Variants in PAPPA2 observed in about 807,000 individuals in gnomAD.
The protein encoded by PAPPA2 is pappalysin-2.
Under a neutral mutation model 176.4 loss-of-function variants are expected in PAPPA2, and 86 were observed. The observed-to-expected ratio is 0.49, with a 90% CI of 0.41 to 0.58. The LOEUF (loss-of-function observed/expected upper bound fraction) is 0.58. Among genes scored for constraint, PAPPA2 ranks in the 20% least tolerant of loss-of-function variants. PAPPA2 has a pLI of 0.00. For missense variants in PAPPA2, 2,073 were observed against 2,256.9 expected, an observed-to-expected ratio of 0.92 and a Z score of 1.65; for synonymous variants, 809 against 852.2, an observed-to-expected ratio of 0.95 and a Z score of 0.88.
intron 3 of PAPPA2, among the ~76,000 whole-genome samples, chr1:176,638,839 C>T (rs907489305): frequency 2.6e-5 from 4 of 151,796 alleles, no homozygotes; most frequent in Admixed American, 6.6e-5. Flanking sequence ...AATGTCTGCT[C>T]GGGAGCAGAG....
At chr1:176,558,970 C>G (rs1008525613) in intron 2 of PAPPA2, among the ~76,000 whole-genome samples, 7 of 152,160 alleles carry the variant, frequency 4.6e-5, no homozygotes, top group Admixed American at 4.6e-4. Flanking sequence ...AAACTTGACC[C>G]CTGTCCTGTC....
intron 1 of PAPPA2, among the ~76,000 whole-genome samples, chr1:176,512,976 G>A (rs1367119299): frequency 2.0e-5 from 3 of 152,056 alleles, no homozygotes; most frequent in Admixed American, 1.3e-4. Context: ...CAAAAGTTAG[G>A]GATAGCCTGA....
intron 1 of PAPPA2, among the ~76,000 whole-genome samples, chr1:176,474,482 G>A (rs763540398): frequency 5.9e-5 from 9 of 152,176 alleles, no homozygotes; most frequent in African/African-American, 9.7e-5. Flanking sequence ...TGGTGATTCC[G>A]TGGTCTCTGC....
chr1:176,840,073 C>T (rs536552874), intron 21 of PAPPA2, 100 bp from the exon 22 acceptor site: 4 of 956,504 alleles, frequency 4.2e-6, no homozygotes, highest in South Asian at 3.0e-5. Flanking sequence ...TCTGTAATAT[C>T]TCTGGAGCTG....
At position 176,789,911 on chromosome 1, in the gene PAPPA2, T is replaced by TG. The variant is rs746495691; in HGVS notation, c.4819dup (p.Glu1607GlyfsTer17). On this transcript the variant is annotated frameshift_variant, in exon 18 of 23. Transcript: ENST00000367662. LOFTEE classifies it high-confidence loss of function. Reference sequence around the variant, plus strand: ...CCCCTCCTGTGTTTGAAGGCATGTATGAATGTACCAATGGCTTCAGCCTGG... The same window carrying TG: ...CCCCTCCTGTGTTTGAAGGCATGTATGGAATGTACCAATGGCTTCAGCCTGG... 1.2e-6 allele frequency: 2 copies of TG among 1,614,202 alleles called. No individual in the cohort carries two copies. Among genetic ancestry groups the TG allele is most frequent in the Non-Finnish European group, 8.5e-7 (1 of 1,180,016 alleles).
intron 3 of PAPPA2, among the ~76,000 whole-genome samples, chr1:176,662,061 A>G (rs555221580): frequency 1.3e-5 from 2 of 152,090 alleles, no homozygotes; most frequent in Non-Finnish European, 2.9e-5. Flanking sequence ...GTATCTTTTC[A>G]TTGCCAGGGT....
intron 21 of PAPPA2, among the ~76,000 whole-genome samples, chr1:176,812,181 T>C (rs1215203877): frequency 6.6e-6 from 1 of 150,936 alleles, no homozygotes; most frequent in Non-Finnish European, 1.5e-5. Context: ...CACTCCACCC[T>C]TTTTCTGATT....
chr1:176,837,310 G>A (rs1273256826), intron 21 of PAPPA2, among the ~76,000 whole-genome samples: 1 of 151,976 alleles, frequency 6.6e-6, no homozygotes, highest in African/African-American at 2.4e-5. Flanking sequence ...TAGGTATAAC[G>A]CTAAGGGCTT....
rs138892934 is a variant in PAPPA2 at position 176,710,035 on chromosome 1, T to C, written c.3510T>C (p.Phe1170=). The C allele has an allele frequency of 1.2e-3, 1,977 of 1,613,654 alleles. 23 individuals carry two copies. The African/African-American group carries it at 0.022, about 18-fold the overall frequency. ...AGGGAGATGGCATATGTGAACCTTT[T>C]GAGAGAAAAACCAGCATTGTAGACT... is the stretch of plus-strand genomic sequence containing the variant. ...MYEGDGICEP[F]ERKTSIVDCG... The change falls in exon 11 of 23, where the codon TTT becomes TTC. Residue 1170 remains phenylalanine (F), a synonymous_variant. Coordinates refer to ENST00000367662, the MANE Select transcript of PAPPA2 (RefSeq NM_020318.3).
chr1:176,476,361 A>G (rs1177931015), intron 1 of PAPPA2, among the ~76,000 whole-genome samples: 5 of 152,178 alleles, frequency 3.3e-5, no homozygotes, highest in Non-Finnish European at 2.9e-5. Context: ...TGGTTCACTA[A>G]ATATACTTTG....
intron 3 of PAPPA2, among the ~76,000 whole-genome samples, chr1:176,598,377 A>G (rs1310329659): frequency 6.6e-6 from 1 of 151,924 alleles, no homozygotes; most frequent in Non-Finnish European, 1.5e-5. Flanking sequence ...GACAAGACTA[A>G]CTCTCTTACA....
chr1:176,822,804 T>C (rs531260053), intron 21 of PAPPA2, among the ~76,000 whole-genome samples: 65 of 152,354 alleles, frequency 4.3e-4, no homozygotes, highest in African/African-American at 1.3e-3. Flanking sequence ...TGGCCAGAGA[T>C]AAGAAACGGT....
chr1:176,773,262 G>T (rs952372943), intron 17 of PAPPA2, among the ~76,000 whole-genome samples: 2 of 152,154 alleles, frequency 1.3e-5, no homozygotes, highest in African/African-American at 4.8e-5. Context: ...GCAGGTGGCG[G>T]ATTGGTAATC....
intron 1 of PAPPA2, among the ~76,000 whole-genome samples, chr1:176,500,137 A>G (rs1647872222): frequency 6.6e-6 from 1 of 152,168 alleles, no homozygotes; most frequent in Non-Finnish European, 1.5e-5. Context: ...GTAAGTACAT[A>G]AAAAGTTGTG....
chr1:176,634,849 C>G (rs4650949), intron 3 of PAPPA2, among the ~76,000 whole-genome samples: 141 of 125,032 alleles, frequency 1.1e-3, no homozygotes, highest in South Asian at 3.1e-3. Flanking sequence ...TAGATAGATA[C>G]ATAGATACAT....
intron 3 of PAPPA2, among the ~76,000 whole-genome samples, chr1:176,611,416 T>G (rs761944669): frequency 6.6e-6 from 1 of 152,234 alleles, no homozygotes; most frequent in East Asian, 1.9e-4. Context: ...TAATTTCATG[T>G]GGCACATAAT....
At chr1:176,767,634 C>T (rs1364314401) in intron 15 of PAPPA2, among the ~76,000 whole-genome samples, 1 of 152,216 alleles carries the variant, frequency 6.6e-6, no homozygotes, top group Non-Finnish European at 1.5e-5. Flanking sequence ...GTGTGAGCCA[C>T]TGCCCCCAGC....
At chr1:176,465,909 T>C (rs947042657) in intron 1 of PAPPA2, among the ~76,000 whole-genome samples, 7 of 152,192 alleles carry the variant, frequency 4.6e-5, no homozygotes, top group African/African-American at 1.7e-4. Context: ...TTTCTGTTCC[T>C]GTATATCATT....
intron 2 of PAPPA2, among the ~76,000 whole-genome samples, chr1:176,593,675 A>T (rs1369843894): frequency 6.6e-6 from 1 of 152,116 alleles, no homozygotes; most frequent in Non-Finnish European, 1.5e-5. Flanking sequence ...TGGGTGTTCT[A>T]TCCTTTGTTT....
Sources: gnomAD v4.1 joint callset for allele counts (sites outside exome capture counted in the v4.1 genomes callset) on GRCh38, gnomAD v4.1.1 for gene constraint, MANE v1.5 for transcripts, NCBI Gene and HGNC (gene_info 2026-07-23, HGNC 2026-07-21) for gene names.